Variants in CDKAL1 observed in about 807,000 individuals in gnomAD.
CDKAL1 encodes threonylcarbamoyladenosine tRNA methylthiotransferase.
Under a neutral mutation model 68.2 loss-of-function variants are expected in CDKAL1, and 32 were observed. The ratio of observed to expected loss-of-function variants is 0.47; its 90% confidence interval spans 0.35 to 0.63. The LOEUF is 0.63. Among genes scored for constraint, CDKAL1 ranks in the 30% least tolerant of loss-of-function variants. The pLI, the probability that CDKAL1 is intolerant of heterozygous loss-of-function variation, is 0.00. For missense variants in CDKAL1, 606 were observed against 696.7 expected, an observed-to-expected ratio of 0.87 and a Z score of 1.47; for synonymous variants, 234 against 244.3, an observed-to-expected ratio of 0.96 and a Z score of 0.39.
chr6:20,758,295 C>G (rs2819998), intron 6 of CDKAL1, among the ~76,000 whole-genome samples: 128,445 of 152,100 alleles, frequency 0.84, 54,425 homozygotes, highest in Non-Finnish European at 0.87. Flanking sequence ...ACTTAAGTTT[C>G]TGTCTCAGGA....
chr6:21,063,962 A>G (rs1445921012), intron 11 of CDKAL1, among the ~76,000 whole-genome samples: 1 of 152,226 alleles, frequency 6.6e-6, no homozygotes, highest in East Asian at 1.9e-4. Context: ...TCCAAGGCAT[A>G]TTATCACATT....
At chr6:20,946,667 G>A (rs1422250517) in intron 9 of CDKAL1, among the ~76,000 whole-genome samples, 1 of 147,890 alleles carries the variant, frequency 6.8e-6, no homozygotes, top group Admixed American at 6.9e-5. Flanking sequence ...AGGCAATCTC[G>A]GCTCACTACA....
At chr6:20,758,420 C>A (rs921685174) in intron 6 of CDKAL1, among the ~76,000 whole-genome samples, 175 bp from the exon 7 acceptor site, 4 of 152,158 alleles carry the variant, frequency 2.6e-5, no homozygotes, top group Non-Finnish European at 4.4e-5. Context: ...TTTCATACTT[C>A]ATTGAAACAC....
At chr6:20,643,959 G>A (rs1366390535) in intron 4 of CDKAL1, among the ~76,000 whole-genome samples, 4 of 151,882 alleles carry the variant, frequency 2.6e-5, no homozygotes, top group African/African-American at 9.7e-5. Flanking sequence ...TGAGTAGCTG[G>A]GACTATAGGC....
chr6:21,154,177 T>A (rs983480233), intron 13 of CDKAL1, among the ~76,000 whole-genome samples: 3 of 150,346 alleles, frequency 2.0e-5, no homozygotes, highest in African/African-American at 7.3e-5. Flanking sequence ...ATGTTTTGCG[T>A]GTAAGTACTG....
intron 5 of CDKAL1, among the ~76,000 whole-genome samples, chr6:20,679,977 T>G (rs1432188430): frequency 6.6e-6 from 1 of 151,736 alleles, no homozygotes; most frequent in Non-Finnish European, 1.5e-5. Context: ...TTTTTTAAAA[T>G]TTTTTTGCTG....
chr6:20,743,433 G>A (rs968486717), intron 6 of CDKAL1, among the ~76,000 whole-genome samples: 2 of 152,082 alleles, frequency 1.3e-5, no homozygotes, highest in African/African-American at 4.8e-5. Context: ...GACTTTTATT[G>A]TACTTACCCA....
intron 5 of CDKAL1, among the ~76,000 whole-genome samples, chr6:20,684,808 A>T (rs1770545760): frequency 6.6e-6 from 1 of 152,178 alleles, no homozygotes; most frequent in African/African-American, 2.4e-5. Context: ...TACCGTTTGC[A>T]TGTCTTCTTT....
At chr6:21,089,737 G>A (rs1057065127) in intron 12 of CDKAL1, among the ~76,000 whole-genome samples, 2 of 152,234 alleles carry the variant, frequency 1.3e-5, no homozygotes, top group Non-Finnish European at 2.9e-5. Flanking sequence ...CGTCATGGGT[G>A]AGAAGACTTG....
intron 13 of CDKAL1, among the ~76,000 whole-genome samples, chr6:21,185,904 A>T (rs746630588): frequency 6.6e-6 from 1 of 152,112 alleles, no homozygotes; most frequent in African/African-American, 2.4e-5. Flanking sequence ...GTGCTTGAGG[A>T]AGCTACATTT....
intron 5 of CDKAL1, among the ~76,000 whole-genome samples, chr6:20,736,670 G>A (rs1773209104): frequency 6.6e-6 from 1 of 151,910 alleles, no homozygotes; most frequent in African/African-American, 2.4e-5. Context: ...TACTCCGGAG[G>A]CTGAGGCAGG....
intron 11 of CDKAL1, among the ~76,000 whole-genome samples, chr6:21,043,904 A>G (rs1314402043): frequency 6.6e-6 from 1 of 152,114 alleles, no homozygotes; most frequent in Non-Finnish European, 1.5e-5. Context: ...TTGCCACCCC[A>G]GTTTTCTTCA....
At chr6:21,120,330 C>T (rs1339056561) in intron 13 of CDKAL1, among the ~76,000 whole-genome samples, 1 of 152,206 alleles carries the variant, frequency 6.6e-6, no homozygotes, top group East Asian at 1.9e-4. Flanking sequence ...CCCATCATCC[C>T]ACAGCAAATT....
intron 10 of CDKAL1, among the ~76,000 whole-genome samples, chr6:20,974,978 CAAAAAAAAAAA>C (rs11330322): frequency 1.6e-5 from 1 of 62,914 alleles, no homozygotes; most frequent in East Asian, 4.7e-4. Context: ...GACCCTATCT[CAAAAAAAAAAA>C]AAAAAAAAAA....
At chr6:20,641,367 G>A (rs1768165589) in intron 4 of CDKAL1, among the ~76,000 whole-genome samples, 1 of 152,088 alleles carries the variant, frequency 6.6e-6, no homozygotes, top group Admixed American at 6.5e-5. Flanking sequence ...AAATATTCAT[G>A]TGTCCCTTCT....
At chr6:21,041,690 G>A (rs781218655) in intron 11 of CDKAL1, among the ~76,000 whole-genome samples, 18 of 151,076 alleles carry the variant, frequency 1.2e-4, no homozygotes, top group Non-Finnish European at 2.5e-4. Flanking sequence ...TTTGGTACTG[G>A]ATAATTTGAT....
chr6:20,974,982 A>C (rs1228891367), intron 10 of CDKAL1, among the ~76,000 whole-genome samples: 2 of 147,610 alleles, frequency 1.4e-5, no homozygotes, highest in Admixed American at 1.3e-4. Flanking sequence ...CTATCTCAAA[A>C]AAAAAAAAAA....
At chr6:20,969,205 A>G (rs1765472712) in intron 10 of CDKAL1, among the ~76,000 whole-genome samples, 1 of 152,204 alleles carries the variant, frequency 6.6e-6, no homozygotes, top group East Asian at 1.9e-4. Flanking sequence ...AAGTTTACTA[A>G]TAGCCTACTG....
intron 6 of CDKAL1, among the ~76,000 whole-genome samples, chr6:20,755,015 G>C (rs1015952343): frequency 6.6e-6 from 1 of 152,146 alleles, no homozygotes; most frequent in Non-Finnish European, 1.5e-5. Flanking sequence ...TTCAGTCCAT[G>C]TGCTACAAGA....
Sources: gnomAD v4.1 joint callset for allele counts (sites outside exome capture counted in the v4.1 genomes callset) on GRCh38, gnomAD v4.1.1 for gene constraint, MANE v1.5 for transcripts, NCBI Gene and HGNC (gene_info 2026-07-23, HGNC 2026-07-21) for gene names.